Variants in SLC7A8 observed in about 807,000 individuals in gnomAD.
The protein encoded by SLC7A8 is large neutral amino acids transporter small subunit 2.
Under a neutral mutation model 51.2 loss-of-function variants are expected in SLC7A8, and 30 were observed. The ratio of observed to expected loss-of-function variants is 0.59; its 90% CI spans 0.44 to 0.80. SLC7A8 has a LOEUF of 0.80. Among genes scored for constraint, SLC7A8 ranks in the 30% least tolerant of loss-of-function variants. SLC7A8 has a pLI of 0.00. For missense variants in SLC7A8, 612 were observed against 674.4 expected, an observed-to-expected ratio of 0.91 and a Z score of 1.03; for synonymous variants, 257 against 275.8, an observed-to-expected ratio of 0.93 and a Z score of 0.67.
In SLC7A8 at chr14:23,143,201, A is replaced by G. The variant is rs1460002759; in HGVS notation, c.512T>C (p.Leu171Pro). Residue 171 changes from leucine (L) to proline (P), a missense_variant, in exon 4 of 11, where the codon CTC (leucine) becomes CCC (proline). Coordinates refer to ENST00000316902, the MANE Select transcript of SLC7A8 (RefSeq NM_012244.4). ...ACTGGAACAGTTGACCCATGTGAGG[A>G]GCACTGAAATGAAAGACCCCCAAAC... Reference protein sequence around the residue: ...LRLLAAICLLLLTWVNCSSVR... With the variant: ...LRLLAAICLLPLTWVNCSSVR... 1 of 1,614,012 alleles carries G rather than the reference A, an allele frequency of 6.2e-7. No individual in the cohort carries two copies. The highest frequency in any genetic ancestry group is 1.3e-5 in the African/African-American group (1 of 74,926).
chr14:23,156,578 A>G (rs987608586), intron 3 of SLC7A8, among the ~76,000 whole-genome samples: 11 of 152,188 alleles, frequency 7.2e-5, no homozygotes, highest in Admixed American at 1.3e-4. Context: ...GACACAATTA[A>G]TGGGTGACTT....
In SLC7A8 at chr14:23,164,546, C is replaced by T. The variant is rs150567889; in HGVS notation, c.508+739G>A. Among the ~76,000 whole-genome samples the T allele has an allele frequency of 5.8e-3, 889 of 152,070 alleles. 4 individuals carry two copies. The highest frequency in any genetic ancestry group is 9.2e-3 in the Non-Finnish European group (624 of 67,990). On this transcript the variant is annotated intron_variant, in intron 3 of 10. Coordinates refer to ENST00000316902, the MANE Select transcript of SLC7A8 (RefSeq NM_012244.4). ...AGATAATATAGGTGAAAGTGCTTTG[C>T]GTAATGTCAAGAACCCTGCCAGTGA...
chr14:23,129,825 G>A, intron 8 of SLC7A8, 26 bp from the exon 9 acceptor site: 1 of 1,612,846 alleles, frequency 6.2e-7, no homozygotes, highest in Middle Eastern at 1.7e-4. Flanking sequence ...GAGCTCATCA[G>A]TGATCCGAAA....
intron 1 of SLC7A8, among the ~76,000 whole-genome samples, chr14:23,178,606 G>A (rs1332181111): frequency 6.6e-6 from 1 of 150,812 alleles, no homozygotes; most frequent in Non-Finnish European, 1.5e-5. Flanking sequence ...TAAGACACTT[G>A]CTTTTTTTTT....
chr14:23,177,662 C>T (rs113523910), intron 1 of SLC7A8, among the ~76,000 whole-genome samples: 448 of 152,310 alleles, frequency 2.9e-3, no homozygotes, highest in Middle Eastern at 0.02. Context: ...ACCTCTAACA[C>T]GGCTGGGAAG....
chr14:23,135,073 GTTA>G (rs769005109), intron 7 of SLC7A8, among the ~76,000 whole-genome samples: 1 of 151,766 alleles, frequency 6.6e-6, no homozygotes, highest in Non-Finnish European at 1.5e-5. Flanking sequence ...AGCCCTAAAA[GTTA>G]TTATTTTTTT....
chr14:23,178,576 A>G (rs770773418), intron 1 of SLC7A8, among the ~76,000 whole-genome samples: 2 of 151,916 alleles, frequency 1.3e-5, no homozygotes, highest in African/African-American at 2.4e-5. Flanking sequence ...TCTGTTAAAC[A>G]CTAAAGATTC....
In SLC7A8 at chr14:23,166,448, T is replaced by C; in HGVS notation, c.244A>G (p.Thr82Ala). The change falls in exon 2 of 11, where the codon ACG (threonine) becomes GCG (alanine). Residue 82 changes from threonine (T) to alanine (A), a missense_variant. Physicochemically the swap from Thr to Ala is moderately conservative, Grantham distance 58. Transcript: ENST00000316902. ...GCTCCCACAACTGTGATGAAGCCCG[T>C]CACAATCCAGACGATGAGAGCAAGG... ...VGLALIVWIV[T>A]GFITVVGALC... The C allele has an allele frequency of 6.2e-7, 1 of 1,614,176 alleles. No homozygotes were observed. Among genetic ancestry groups the C allele is most frequent in the Non-Finnish European group, 8.5e-7 (1 of 1,180,038 alleles).
intron 1 of SLC7A8, among the ~76,000 whole-genome samples, chr14:23,180,030 C>T (rs576674788): frequency 3.0e-4 from 45 of 151,766 alleles, no homozygotes; most frequent in Middle Eastern, 3.4e-3. Flanking sequence ...CTCAGCCTCA[C>T]GAGTAGCTGG....
chr14:23,174,859 T>G (rs1257426696), intron 1 of SLC7A8, among the ~76,000 whole-genome samples: 1 of 152,104 alleles, frequency 6.6e-6, no homozygotes, highest in Non-Finnish European at 1.5e-5. Context: ...AGTTAAACAT[T>G]GGAAAGAAAC....
Position 23,127,163 on chromosome 14 carries a change from G to A in SLC7A8, c.*14C>T, listed in dbSNP as rs760728745. On this transcript the variant is annotated 3_prime_UTR_variant, in exon 11 of 11. Transcript: ENST00000316902. ...AGGGGGAGGAAGGAGAGAGTAGCCA[G>A]GGAATGGTGGTCCTCAGGGCTGGGG... 27 of 1,613,616 alleles carry A rather than the reference G, an allele frequency of 1.7e-5. No homozygotes were observed. Among genetic ancestry groups the A allele is most frequent in the Non-Finnish European group, 2.1e-5 (25 of 1,179,696 alleles).
chr14:23,155,216 G>C (rs1276500528), intron 3 of SLC7A8: 1 of 1,535,920 alleles, frequency 6.5e-7, no homozygotes, highest in Non-Finnish European at 8.7e-7. Flanking sequence ...GGTGCTCTGA[G>C]CCTTCCGGAA....
chr14:23,160,191 C>G (rs1453360007), intron 3 of SLC7A8, among the ~76,000 whole-genome samples: 1 of 152,138 alleles, frequency 6.6e-6, no homozygotes, highest in Non-Finnish European at 1.5e-5. Context: ...TCCCCTGGAC[C>G]CAGTGCTTCC....
At chr14:23,176,941 C>CAAA (rs10633003) in intron 1 of SLC7A8, among the ~76,000 whole-genome samples, 5,420 of 72,648 alleles carry the variant, frequency 0.075, 309 homozygotes, top group African/African-American at 0.14. Context: ...GACTCTGTCT[C>CAAA]AAAAAAAAAA....
At chr14:23,137,316 C>T (rs2048699626) in intron 7 of SLC7A8, among the ~76,000 whole-genome samples, 1 of 152,180 alleles carries the variant, frequency 6.6e-6, no homozygotes, top group Non-Finnish European at 1.5e-5. Context: ...CACTTTTCCC[C>T]ACCCTCTCAC....
intron 3 of SLC7A8, among the ~76,000 whole-genome samples, chr14:23,163,393 C>A (rs774431831): frequency 3.3e-5 from 5 of 152,198 alleles, no homozygotes; most frequent in African/African-American, 7.2e-5. Flanking sequence ...CATTCCTCTG[C>A]CTCCAGATCT....
chr14:23,145,215 TG>T (rs2048781869), intron 3 of SLC7A8, among the ~76,000 whole-genome samples: 1 of 151,052 alleles, frequency 6.6e-6, no homozygotes. Flanking sequence ...CCGGCCGGGA[TG>T]CATTTCTTTG....
At chr14:23,179,619 G>A (rs2140342722) in intron 1 of SLC7A8, among the ~76,000 whole-genome samples, 1 of 152,004 alleles carries the variant, frequency 6.6e-6, no homozygotes, top group East Asian at 1.9e-4. Flanking sequence ...ACCAGCCTGG[G>A]CGATACAGTG....
chr14:23,180,037 C>T (rs551834775), intron 1 of SLC7A8, among the ~76,000 whole-genome samples: 39 of 151,838 alleles, frequency 2.6e-4, no homozygotes, highest in Middle Eastern at 3.4e-3. Context: ...TCACGAGTAG[C>T]TGGGACTACA....
Sources: gnomAD v4.1 joint callset for allele counts (sites outside exome capture counted in the v4.1 genomes callset) on GRCh38, gnomAD v4.1.1 for gene constraint, MANE v1.5 for transcripts, NCBI Gene and HGNC (gene_info 2026-07-23, HGNC 2026-07-21) for gene names.